The following GON4L variants were observed in gnomAD, a reference collection of about 807,000 sequenced individuals.
The protein encoded by GON4L is GON-4-like protein.
GON4L carries 87 observed loss-of-function variants against 211.8 expected under a neutral mutation model. The ratio of observed to expected loss-of-function variants is 0.41; its 90% confidence interval spans 0.35 to 0.49. The LOEUF is 0.49. GON4L is among the 20% of genes least tolerant of loss of function. The pLI, the probability that GON4L is intolerant of heterozygous loss-of-function variation, is 0.15. For missense variants in GON4L, 2,155 were observed against 2,659.5 expected (o/e 0.81, Z 4.17); for synonymous variants, 875 against 962.6 (o/e 0.91, Z 1.68).
At position 155,815,797 on chromosome 1, in the gene GON4L, TC is replaced by T; in HGVS notation, c.1161+7del. 2 of 1,500,916 alleles carry T rather than the reference TC, an allele frequency of 1.3e-6. No homozygotes were observed. Among genetic ancestry groups the T allele is most frequent in the Non-Finnish European group, 1.9e-6 (2 of 1,076,754 alleles). The allele number at this position is 1,500,916 out of a possible 1,614,324, so 93.0% of individuals were successfully genotyped here. On this transcript the variant is annotated splice_region_variant and intron_variant, in intron 8 of 31. Coordinates refer to ENST00000368331, the MANE Select transcript of GON4L (RefSeq NM_001282860.2). ...TAAGACAAATATTACCAACTAACAT[TC>T]ACTGACCTCTTCAGCAGTTTCATCT...
intron 14 of GON4L, among the ~76,000 whole-genome samples, chr1:155,782,879 C>T (rs757936756): frequency 2.8e-4 from 42 of 152,090 alleles, no homozygotes; most frequent in Non-Finnish European, 5.3e-4. Context: ...AGGCTGGTCT[C>T]GACTCCTAAC....
intron 12 of GON4L, among the ~76,000 whole-genome samples, chr1:155,790,290 G>A (rs554166974): frequency 1.6e-4 from 25 of 151,588 alleles, no homozygotes; most frequent in Non-Finnish European, 3.4e-4. Context: ...AGTAGAGATG[G>A]GGTTTCACCA....
At chr1:155,768,081 TTAC>T (rs1662732546) in intron 19 of GON4L, among the ~76,000 whole-genome samples, 1 of 152,044 alleles carries the variant, frequency 6.6e-6, no homozygotes, top group Admixed American at 6.6e-5. Context: ...GGTGGGCAGA[TTAC>T]CTAAGGTCAG....
At position 155,854,866 on chromosome 1, in the gene GON4L, T is replaced by A. The variant is rs1323400829; in HGVS notation, c.-26-1060A>T. 7.9e-5 allele frequency among the ~76,000 whole-genome samples: 12 copies of A among 152,174 alleles called. No homozygotes were observed. In the South Asian group the frequency reaches 1.9e-3, roughly 24 times the overall value. On this transcript the variant is annotated intron_variant, in intron 1 of 31. Transcript: ENST00000368331. ...GCCTGATCAACATGGAGAAACCCTG[T>A]CTCTACTAAAAATACAAAATTAGCC...
At chr1:155,779,263 A>AAG (rs756785111) in intron 14 of GON4L, among the ~76,000 whole-genome samples, 136 of 84,254 alleles carry the variant, frequency 1.6e-3, no homozygotes, top group Non-Finnish European at 2.2e-3. Flanking sequence ...CAAAAAAAAA[A>AAG]AAAAAAAAAA....
At chr1:155,858,698 A>G (rs1672465627), upstream of GON4L, among the ~76,000 whole-genome samples, 1 of 124,966 alleles carries the variant, frequency 8.0e-6, no homozygotes, top group Non-Finnish European at 1.6e-5. Flanking sequence ...TACGTGTACA[A>G]CCAAATTTTT....
Position 155,827,021 on chromosome 1 carries a change from A to G in GON4L, c.513T>C (p.Pro171=). The G allele has an allele frequency of 1.2e-6, 2 of 1,611,486 alleles. No individual in the cohort carries two copies. The highest frequency in any genetic ancestry group is 1.7e-6 in the Non-Finnish European group (2 of 1,177,596). ...GTATCTCCCCTTCAGAATTCATTTG[A>G]GGTTTCCCTGGAAGAATCACAAATA... ...SEEVKEEGGK[P]QMNSEGEIPS... Residue 171 remains proline (P), a synonymous_variant, in exon 3 of 32, where the codon CCT becomes CCC. Coordinates refer to ENST00000368331, the MANE Select transcript of GON4L (RefSeq NM_001282860.2).
intron 6 of GON4L, among the ~76,000 whole-genome samples, chr1:155,818,888 C>T (rs1668494022): frequency 2.0e-5 from 3 of 152,074 alleles, no homozygotes; most frequent in African/African-American, 7.2e-5. Context: ...ATCCCAGCTA[C>T]TCAGCAGGCT....
rs553546452 is a variant in GON4L, at chr1:155,766,230, T to C, written c.3243A>G (p.Thr1081=). ...TCTGGGACTCAGACAGAGGGAAGCT[T>C]GTCCTGGCCTCAGGGGGCACAGCAG... ...ALPAVPPEAR[T]SFPLSESQTL... Residue 1081 remains threonine (T), a synonymous_variant, in exon 21 of 32, where the codon ACA becomes ACG. Coordinates refer to ENST00000368331, the MANE Select transcript of GON4L (RefSeq NM_001282860.2). 1 of 1,614,026 alleles carries C rather than the reference T, an allele frequency of 6.2e-7. No homozygotes were observed. The highest frequency in any genetic ancestry group is 2.2e-5 in the East Asian group (1 of 44,868).
At chr1:155,837,274 G>A (rs1355992062) in intron 2 of GON4L, among the ~76,000 whole-genome samples, 1 of 152,056 alleles carries the variant, frequency 6.6e-6, no homozygotes, top group East Asian at 1.9e-4. Context: ...ACCTAATGAC[G>A]ACTCCCTGCA....
chr1:155,784,753 C>T (rs1393712100), intron 13 of GON4L: 1 of 171,366 alleles, frequency 5.8e-6, no homozygotes, highest in Non-Finnish European at 1.3e-5. Context: ...TATTTGTACA[C>T]AAAGTAGTTT....
At chr1:155,801,756 G>C (rs549939424) in intron 11 of GON4L, among the ~76,000 whole-genome samples, 6 of 152,018 alleles carry the variant, frequency 3.9e-5, no homozygotes, top group Admixed American at 2.0e-4. Context: ...GGTGGCAGGC[G>C]CATGTAATCC....
rs1663159067 is a variant in GON4L at position 155,771,206 on chromosome 1, A to G, written c.2507T>C (p.Leu836Ser). 6.2e-7 allele frequency: 1 copy of G among 1,613,998 alleles called. No individual in the cohort carries two copies. Among genetic ancestry groups the G allele is most frequent in the Non-Finnish European group, 8.5e-7 (1 of 1,179,952 alleles). The change falls in exon 19 of 32, where the codon TTA (leucine) becomes TCA (serine). Residue 836 changes from leucine to serine, a missense_variant. Coordinates refer to ENST00000368331, the MANE Select transcript of GON4L (RefSeq NM_001282860.2). ...AGTTCCTTCAAAATGCTTCAGTCCTAAAGCTAACAAACTGAGAAAGGAGAA... is the reference window on the plus strand; with the variant it reads ...AGTTCCTTCAAAATGCTTCAGTCCTGAAGCTAACAAACTGAGAAAGGAGAA... ...FTKAEDNLLA[L>S]GLKHFEGTEF...
intron 2 of GON4L, among the ~76,000 whole-genome samples, chr1:155,840,864 C>T (rs1034456590): frequency 1.3e-5 from 2 of 152,120 alleles, no homozygotes; most frequent in East Asian, 3.9e-4. Flanking sequence ...GAAACCCCGT[C>T]CCTATCAAAA....
chr1:155,830,588 A>T (rs1004987373), intron 2 of GON4L, among the ~76,000 whole-genome samples: 2 of 151,266 alleles, frequency 1.3e-5, no homozygotes, highest in Admixed American at 6.6e-5. Flanking sequence ...AGTAGTTCCA[A>T]TTTTTTTGTT....
Position 155,822,289 on chromosome 1 carries a change from A to C in GON4L, c.885T>G (p.Leu295=), listed in dbSNP as rs1668804771. Residue 295 remains leucine (L), a synonymous_variant, in exon 4 of 32, where the codon CTT becomes CTG. Transcript: ENST00000368331. ...NLTAVNVRNI[L]HEVITNEHVV... Reference sequence around the variant, plus strand: ...TAACTGCCCCAGTCTTACTCACATGAAGGATGTTTCGGACATTGACTGCTG... The same window carrying C: ...TAACTGCCCCAGTCTTACTCACATGCAGGATGTTTCGGACATTGACTGCTG... 6.2e-7 allele frequency: 1 copy of C among 1,612,022 alleles called. No individual in the cohort carries two copies. The highest frequency in any genetic ancestry group is 8.5e-7 in the Non-Finnish European group (1 of 1,178,192).
intron 8 of GON4L, among the ~76,000 whole-genome samples, chr1:155,815,166 G>GT (rs769972879): frequency 1.3e-4 from 20 of 152,090 alleles, no homozygotes; most frequent in Non-Finnish European, 2.8e-4. Flanking sequence ...ATTACAAAGT[G>GT]TAAGGCCTTG....
At chr1:155,748,588 C>T (rs1037740955), downstream of GON4L, 33 of 1,613,366 alleles carry the variant, frequency 2.0e-5, no homozygotes, top group Non-Finnish European at 2.7e-5. Context: ...ATAACGTGTT[C>T]TCTTCCTTCT....
At chr1:155,814,629 C>T (rs181629550) in intron 8 of GON4L, among the ~76,000 whole-genome samples, 180 bp from the exon 9 acceptor site, 2 of 151,678 alleles carry the variant, frequency 1.3e-5, no homozygotes, top group Non-Finnish European at 1.5e-5. Context: ...ACCTGTAATC[C>T]CAGCTACTCG....
Sources: allele counts gnomAD v4.1 joint callset (sites outside exome capture counted in the v4.1 genomes callset), GRCh38; gene constraint gnomAD v4.1.1; transcripts MANE v1.5; gene names NCBI Gene and HGNC (gene_info 2026-07-23, HGNC 2026-07-21).